The following KLRG1 variants were observed in gnomAD, a reference collection of about 807,000 sequenced individuals.
KLRG1 encodes the protein killer cell lectin like receptor G1, also known as killer cell lectin-like receptor subfamily G member 1.
KLRG1 carries 16 observed loss-of-function variants against 21.8 expected under a neutral mutation model. That is an observed-to-expected ratio of 0.73 (90% confidence interval 0.50 to 1.11). The LOEUF is 1.11. Ranked by LOEUF, KLRG1 falls within the 50% of genes most tolerant of loss-of-function variation. The probability of loss-of-function intolerance (pLI) is 0.00; values close to 1 mark genes in which losing one functional copy is unlikely to be tolerated. For synonymous variants in KLRG1, 69 were observed against 75.9 expected, an observed-to-expected ratio of 0.91 and a Z score of 0.47; for missense variants, 173 against 218.3, an observed-to-expected ratio of 0.79 and a Z score of 1.31.
the KLRG1 span, chr12:9,074,620 G>A: frequency 6.2e-7 from 1 of 1,613,890 alleles, no homozygotes; most frequent in African/African-American, 1.3e-5. Flanking sequence ...TCACGATGTT[G>A]GTTGCAGAGG....
chr12:8,995,534 C>T (rs1469383085), intron 3 of KLRG1, among the ~76,000 whole-genome samples: 1 of 152,034 alleles, frequency 6.6e-6, no homozygotes, highest in Non-Finnish European at 1.5e-5. Flanking sequence ...TACAGCAACC[C>T]AGATGCTTGT....
At chr12:9,117,164 A>G in the KLRG1 span, among the ~76,000 whole-genome samples, 164 of 152,326 alleles carry the variant, frequency 1.1e-3, 1 homozygote, top group African/African-American at 3.8e-3. Context: ...GCATGAAATG[A>G]AAACTATTTG....
the KLRG1 span, among the ~76,000 whole-genome samples, chr12:9,040,563 A>G: frequency 0.095 from 14,485 of 152,250 alleles, 1,192 homozygotes; most frequent in African/African-American, 0.22. Flanking sequence ...TCTTCATCTC[A>G]GATATTAAAT....
the KLRG1 span, chr12:9,098,525 T>C: frequency 6.8e-7 from 1 of 1,463,410 alleles, no homozygotes; most frequent in Non-Finnish European, 9.2e-7. Context: ...TAATTGATCT[T>C]ATCCTACTTA....
chr12:8,950,100 G>A (rs1252893702), exon 1 of KLRG1: 1 of 152,336 alleles, frequency 6.6e-6, no homozygotes, highest in Non-Finnish European at 1.5e-5. Flanking sequence ...CGCCTGAGAG[G>A]GACGCTGTTC....
the KLRG1 span, chr12:9,165,248 C>G: frequency 4.3e-6 from 7 of 1,614,018 alleles, no homozygotes; most frequent in Non-Finnish European, 5.9e-6. Context: ...CTGGAAGGCT[C>G]GGAGAGAGGC....
intron 1 of KLRG1, among the ~76,000 whole-genome samples, chr12:8,990,802 A>C (rs781158893): frequency 1.1e-4 from 16 of 152,192 alleles, no homozygotes; most frequent in Non-Finnish European, 2.2e-4. Flanking sequence ...GCTTGTGGTT[A>C]CACAAATTCA....
At chr12:9,112,040 C>T in the KLRG1 span, 1 of 943,422 alleles carries the variant, frequency 1.1e-6, no homozygotes, top group Non-Finnish European at 1.8e-6. Context: ...GTTGTAATGC[C>T]AGAAGTTACT....
chr12:9,004,190 A>G (rs764636045), intron 3 of KLRG1, among the ~76,000 whole-genome samples: 126 of 152,348 alleles, frequency 8.3e-4, no homozygotes, highest in African/African-American at 2.9e-3. Flanking sequence ...TTATAGCAGC[A>G]TGATTTATAG....
At chr12:8,970,543 C>G (rs1946550201) in intron 1 of KLRG1, 1 of 152,202 alleles carries the variant, frequency 6.6e-6, no homozygotes, top group South Asian at 2.1e-4. Flanking sequence ...TCCACTTCTT[C>G]CTTTTCATCT....
the KLRG1 span, chr12:9,072,820 T>C: frequency 6.2e-7 from 1 of 1,614,156 alleles, no homozygotes; most frequent in African/African-American, 1.3e-5. Context: ...CCAGTCCTGG[T>C]AAATGTGGCT....
chr12:8,978,665 TTTC>T (rs2137279605), intron 1 of KLRG1, among the ~76,000 whole-genome samples: 1 of 150,774 alleles, frequency 6.6e-6, no homozygotes, highest in African/African-American at 2.4e-5. Context: ...TCTTTCTTTC[TTTC>T]TTTCTTTCTT....
the KLRG1 span, chr12:9,163,901 A>G: frequency 5.1e-6 from 7 of 1,383,238 alleles, no homozygotes; most frequent in Admixed American, 1.2e-4. Context: ...GCTAAAAAAA[A>G]AGAAACCCAC....
the KLRG1 span, among the ~76,000 whole-genome samples, chr12:9,053,334 C>T: frequency 6.6e-6 from 1 of 152,070 alleles, no homozygotes; most frequent in Non-Finnish European, 1.5e-5. Flanking sequence ...CATAATTTCA[C>T]AATAATTTGT....
chr12:9,051,113 G>A, the KLRG1 span, among the ~76,000 whole-genome samples: 2 of 152,170 alleles, frequency 1.3e-5, no homozygotes, highest in African/African-American at 2.4e-5. Context: ...TGGACCAATC[G>A]GCACACACTT....
chr12:9,031,601 AT>A, the KLRG1 span, among the ~76,000 whole-genome samples: 1 of 152,246 alleles, frequency 6.6e-6, no homozygotes, highest in Non-Finnish European at 1.5e-5. Flanking sequence ...TTGAAGATTT[AT>A]TCTGAGCTAA....
At chr12:9,188,548 A>G in the KLRG1 span, among the ~76,000 whole-genome samples, 1 of 152,170 alleles carries the variant, frequency 6.6e-6, no homozygotes, top group Non-Finnish European at 1.5e-5. Context: ...CAAAGAAATA[A>G]AGGGCATCAG....
chr12:9,184,448 G>C, the KLRG1 span, among the ~76,000 whole-genome samples: 1 of 152,194 alleles, frequency 6.6e-6, no homozygotes, highest in Non-Finnish European at 1.5e-5. Flanking sequence ...ATGCACAGTT[G>C]CTAGTGGGGA....
the KLRG1 span, among the ~76,000 whole-genome samples, chr12:9,041,605 T>C: frequency 3.3e-5 from 5 of 152,150 alleles, no homozygotes. Flanking sequence ...TTCTACTGTC[T>C]CTTGGCACAT....
Sources: allele counts gnomAD v4.1 joint callset (sites outside exome capture counted in the v4.1 genomes callset), GRCh38; gene constraint gnomAD v4.1.1; transcripts MANE v1.5; gene names NCBI Gene and HGNC (gene_info 2026-07-23, HGNC 2026-07-21).